STPG2: variants seen among roughly 807,000 people sequenced by gnomAD.
STPG2 encodes the protein sperm-tail PG-rich repeat-containing protein 2.
STPG2 carries 56 observed loss-of-function variants against 54.2 expected under a neutral mutation model. That is an observed-to-expected ratio of 1.03 (90% CI 0.83 to 1.29). STPG2 has a LOEUF of 1.29. Ranked by LOEUF, STPG2 falls within the 50% of genes most tolerant of loss-of-function variation. STPG2 has a pLI of 0.00. For synonymous variants in STPG2, 200 were observed against 181.8 expected, an observed-to-expected ratio of 1.10 and a Z score of -0.81; for missense variants, 596 against 544.9, an observed-to-expected ratio of 1.09 and a Z score of -0.93.
intron 10 of STPG2, among the ~76,000 whole-genome samples, chr4:97,647,408 C>A (rs1721941991): frequency 6.6e-6 from 1 of 152,108 alleles, no homozygotes; most frequent in Non-Finnish European, 1.5e-5. Context: ...ACTGAGAAGG[C>A]TGAAAGCAAG....
At chr4:98,076,275 G>A (rs901567063) in intron 5 of STPG2, among the ~76,000 whole-genome samples, 2 of 151,318 alleles carry the variant, frequency 1.3e-5, no homozygotes, top group African/African-American at 4.9e-5. Flanking sequence ...CAAATGAGTA[G>A]TGAACCATCC....
At chr4:97,901,231 T>G (rs777485530) in intron 8 of STPG2, among the ~76,000 whole-genome samples, 1 of 151,886 alleles carries the variant, frequency 6.6e-6, no homozygotes, top group Admixed American at 6.6e-5. Context: ...ACAGCTAACA[T>G]CATACTCAAT....
intron 5 of STPG2, among the ~76,000 whole-genome samples, chr4:98,011,102 C>T (rs1283659875): frequency 6.6e-6 from 1 of 152,058 alleles, no homozygotes; most frequent in Non-Finnish European, 1.5e-5. Flanking sequence ...TGATTCTCTC[C>T]CTCCCCCTGT....
At chr4:97,800,494 G>A (rs575447448) in intron 9 of STPG2, among the ~76,000 whole-genome samples, 2 of 152,344 alleles carry the variant, frequency 1.3e-5, no homozygotes, top group East Asian at 3.9e-4. Context: ...CTGCAGAATA[G>A]CGAATATTGC....
chr4:97,690,038 C>T (rs772577742), intron 10 of STPG2, among the ~76,000 whole-genome samples: 93 of 152,246 alleles, frequency 6.1e-4, no homozygotes, highest in Non-Finnish European at 2.6e-4. Context: ...TAATTTTACA[C>T]TTTAAGCATA....
At chr4:97,479,561 A>G (rs1730167867) in intron 4 of STPG2, among the ~76,000 whole-genome samples, 1 of 151,926 alleles carries the variant, frequency 6.6e-6, no homozygotes, top group Non-Finnish European at 1.5e-5. Flanking sequence ...TGGATTGCAC[A>G]ATAGAAATTG....
intron 4 of STPG2, among the ~76,000 whole-genome samples, chr4:97,529,490 G>C (rs889821911): frequency 2.6e-5 from 4 of 152,088 alleles, no homozygotes; most frequent in Non-Finnish European, 5.9e-5. Context: ...GATGATGCTG[G>C]CATCATAAAG....
In STPG2 at chr4:97,670,814, C is replaced by A. The variant is rs113850844; in HGVS notation, c.1320+41885G>T. Among the ~76,000 whole-genome samples the A allele has an allele frequency of 4.9e-3, 749 of 152,296 alleles. 3 individuals carry two copies. The highest frequency in any genetic ancestry group is 0.02 in the Middle Eastern group (6 of 294). Reference sequence around the variant, plus strand: ...ATAACCATATACTGTTTAAAGGACACAGGAGTAGCTTCAAAGAAGGGGAAT... The same window carrying A: ...ATAACCATATACTGTTTAAAGGACAAAGGAGTAGCTTCAAAGAAGGGGAAT... On this transcript the variant is annotated intron_variant, in intron 10 of 10. Coordinates refer to ENST00000295268, the MANE Select transcript of STPG2 (RefSeq NM_174952.3).
intron 4 of STPG2, among the ~76,000 whole-genome samples, chr4:97,459,883 T>G (rs898597518): frequency 1.3e-5 from 2 of 152,204 alleles, no homozygotes; most frequent in Non-Finnish European, 2.9e-5. Context: ...TCTATCCACA[T>G]GTACTACAGA....
intron 8 of STPG2, among the ~76,000 whole-genome samples, chr4:97,932,786 T>G (rs1194843346): frequency 6.6e-6 from 1 of 152,238 alleles, no homozygotes; most frequent in African/African-American, 2.4e-5. Context: ...TTTGGGTTGA[T>G]TCCATGTCTT....
intron 9 of STPG2, among the ~76,000 whole-genome samples, chr4:97,838,866 C>A (rs925703341): frequency 7.9e-5 from 12 of 151,416 alleles, no homozygotes; most frequent in African/African-American, 2.9e-4. Flanking sequence ...TGGCTTTTTC[C>A]AATGTGTTGA....
chr4:97,766,808 A>C (rs72684501), intron 9 of STPG2, among the ~76,000 whole-genome samples: 7,314 of 152,162 alleles, frequency 0.048, 264 homozygotes, highest in Middle Eastern at 0.1. Flanking sequence ...GGCTGCCAGC[A>C]TCTGTTTCCT....
At chr4:98,072,624 A>AAAACT (rs1738041273) in intron 5 of STPG2, among the ~76,000 whole-genome samples, 1 of 151,972 alleles carries the variant, frequency 6.6e-6, no homozygotes, top group Non-Finnish European at 1.5e-5. Context: ...AAAACAAAAC[A>AAAACT]AGAGTCCACT....
intron 9 of STPG2, among the ~76,000 whole-genome samples, chr4:97,798,502 T>A (rs28868117): frequency 0.39 from 59,871 of 151,908 alleles, 11,930 homozygotes; most frequent in Middle Eastern, 0.47. Flanking sequence ...TTTCAGTGAG[T>A]TTCTTAATCC....
At chr4:97,529,940 C>G (rs775412984) in intron 4 of STPG2, among the ~76,000 whole-genome samples, 5 of 152,048 alleles carry the variant, frequency 3.3e-5, no homozygotes, top group Non-Finnish European at 5.9e-5. Flanking sequence ...TTTATTTATA[C>G]TAATTTTTTA....
intron 9 of STPG2, among the ~76,000 whole-genome samples, chr4:97,745,657 G>C (rs1013044525): frequency 8.6e-5 from 13 of 150,992 alleles, no homozygotes; most frequent in African/African-American, 3.1e-4. Flanking sequence ...TGTTCTATTA[G>C]AGTTTAGTAA....
intron 9 of STPG2, among the ~76,000 whole-genome samples, chr4:97,832,693 T>C (rs1728504925): frequency 6.6e-6 from 1 of 152,082 alleles, no homozygotes; most frequent in Admixed American, 6.6e-5. Flanking sequence ...TGTGCAAAAA[T>C]CATAAGCATT....
chr4:97,831,994 A>G (rs1010972851), intron 9 of STPG2, among the ~76,000 whole-genome samples: 1 of 152,154 alleles, frequency 6.6e-6, no homozygotes, highest in African/African-American at 2.4e-5. Context: ...AATAGAAAAG[A>G]AGGAATCCTC....
chr4:97,820,393 G>T (rs968970042), intron 9 of STPG2, among the ~76,000 whole-genome samples: 4 of 151,298 alleles, frequency 2.6e-5, no homozygotes, highest in Non-Finnish European at 5.9e-5. Flanking sequence ...AGAGTCAGGG[G>T]TCTCTCACTT....
Sources: gnomAD v4.1 joint callset for allele counts (sites outside exome capture counted in the v4.1 genomes callset) on GRCh38, gnomAD v4.1.1 for gene constraint, MANE v1.5 for transcripts, NCBI Gene and HGNC (gene_info 2026-07-23, HGNC 2026-07-21) for gene names.